Variants in CDH2 observed in about 807,000 individuals in gnomAD.
CDH2 encodes the protein cadherin 2.
In CDH2, 17 loss-of-function variants were observed where a neutral mutation model predicts 92.0. That is an observed-to-expected ratio of 0.18 (90% CI 0.13 to 0.28). CDH2 has a LOEUF of 0.28. CDH2 is among the 10% of genes least tolerant of loss of function. The probability of loss-of-function intolerance (pLI) is 1.00; values close to 1 mark genes in which losing one functional copy is unlikely to be tolerated. For synonymous variants in CDH2, 419 were observed against 415.9 expected (o/e 1.01, Z -0.09); for missense variants, 862 against 1,133.1 (o/e 0.76, Z 3.44).
At chr18:28,172,533 A>T (rs967885464) in intron 1 of CDH2, among the ~76,000 whole-genome samples, 7 of 152,194 alleles carry the variant, frequency 4.6e-5, no homozygotes, top group Non-Finnish European at 7.4e-5. Flanking sequence ...AAAAAACAGA[A>T]ATGTGAGACA....
At chr18:28,017,527 C>T (rs374816370) in intron 2 of CDH2, among the ~76,000 whole-genome samples, 14 of 152,110 alleles carry the variant, frequency 9.2e-5, no homozygotes, top group African/African-American at 2.4e-4. Context: ...ATCTCGTTAA[C>T]GGTCTACTAG....
chr18:27,967,992 C>T (rs1022638705), intron 14 of CDH2, among the ~76,000 whole-genome samples: 12 of 152,150 alleles, frequency 7.9e-5, no homozygotes, highest in Admixed American at 5.2e-4. Flanking sequence ...GTATAGTCAA[C>T]CCATTTCAGG....
At chr18:28,069,388 A>T (rs2144163697) in intron 2 of CDH2, among the ~76,000 whole-genome samples, 1 of 152,302 alleles carries the variant, frequency 6.6e-6, no homozygotes, top group South Asian at 2.1e-4. Context: ...TCAAAGGATG[A>T]CAAATTTCTA....
chr18:28,110,742 C>T (rs1265154591), intron 2 of CDH2, among the ~76,000 whole-genome samples: 1 of 152,058 alleles, frequency 6.6e-6, no homozygotes, highest in Non-Finnish European at 1.5e-5. Context: ...TTTACTGCAA[C>T]AAGAATTCAA....
intron 5 of CDH2, among the ~76,000 whole-genome samples, chr18:28,006,465 C>A (rs2012920860): frequency 6.6e-6 from 1 of 151,982 alleles, no homozygotes; most frequent in Admixed American, 6.6e-5. Flanking sequence ...CGCCTGTAAT[C>A]CCAGCACATT....
intron 5 of CDH2, among the ~76,000 whole-genome samples, chr18:28,007,073 T>C (rs1436662067): frequency 6.7e-6 from 1 of 149,134 alleles, no homozygotes; most frequent in Non-Finnish European, 1.5e-5. Context: ...GGCAGGAGAA[T>C]TGCTTGAACC....
rs572471207 is a variant in CDH2 at position 28,012,015 on chromosome 18, T to G, written c.400-23A>C. On this transcript the variant is annotated intron_variant, in intron 3 of 15. Transcript: ENST00000269141. Reference sequence around the variant, plus strand: ...CTCCTTTACATTAAAATAGAAGACATTCCTGAGTACTAGGAAACACATTTT... The same window carrying G: ...CTCCTTTACATTAAAATAGAAGACAGTCCTGAGTACTAGGAAACACATTTT... 124 of 1,603,880 alleles carry G rather than the reference T, an allele frequency of 7.7e-5. No homozygotes were observed. In the East Asian group the frequency reaches 2.6e-3, roughly 33 times the overall value.
intron 2 of CDH2, among the ~76,000 whole-genome samples, chr18:28,126,691 T>G (rs1168219987): frequency 1.3e-5 from 2 of 152,134 alleles, no homozygotes; most frequent in South Asian, 2.1e-4. Context: ...AGAGAGTGAG[T>G]GCCTGCTATC....
chr18:28,160,519 C>A (rs931368760), intron 1 of CDH2, among the ~76,000 whole-genome samples: 1 of 152,196 alleles, frequency 6.6e-6, no homozygotes, highest in East Asian at 1.9e-4. Flanking sequence ...TGGATTCTGA[C>A]AGCTCGACCA....
chr18:28,128,630 C>G (rs142596470), intron 2 of CDH2, among the ~76,000 whole-genome samples: 57 of 151,556 alleles, frequency 3.8e-4, no homozygotes, highest in African/African-American at 1.4e-3. Context: ...AGGCTGCAGA[C>G]AGCCGTGATC....
At chr18:27,938,957 G>A (rs1430894605) in intron 6 of CDH2, among the ~76,000 whole-genome samples, 1 of 152,160 alleles carries the variant, frequency 6.6e-6, no homozygotes, top group Non-Finnish European at 1.5e-5. Flanking sequence ...TAGAAAGAAT[G>A]CTATCACATT....
At chr18:28,172,869 C>T (rs940407104) in intron 1 of CDH2, among the ~76,000 whole-genome samples, 1 of 151,706 alleles carries the variant, frequency 6.6e-6, no homozygotes, top group African/African-American at 2.4e-5. Flanking sequence ...CATAATAACC[C>T]CTTGAAAAGA....
intron 2 of CDH2, among the ~76,000 whole-genome samples, chr18:28,091,333 CCT>C (rs754021978): frequency 1.3e-5 from 2 of 152,258 alleles, no homozygotes; most frequent in East Asian, 1.9e-4. Context: ...GAAAACACCC[CCT>C]GACACTTAAA....
intron 2 of CDH2, among the ~76,000 whole-genome samples, chr18:28,061,326 C>T (rs1057289181): frequency 2.0e-5 from 3 of 152,148 alleles, no homozygotes; most frequent in African/African-American, 7.2e-5. Flanking sequence ...GTGTACTTCC[C>T]TCTTCTGTGC....
Position 28,013,689 on chromosome 18 carries a change from T to C in CDH2, c.393A>G (p.Ser131=). Residue 131 remains serine (S), a synonymous_variant, in exon 3 of 16, where the codon TCA becomes TCG. Coordinates refer to ENST00000269141, the MANE Select transcript of CDH2 (RefSeq NM_001792.5). The stretch of plus-strand genomic sequence containing the variant: ...CCATATTCGGATACTATACCTTCAC[T>C]GACTCCTCAGTTAAGGTTGGCTTCA... ...LSLKPTLTEE[S]VKESAEVEEI... 1.2e-6 allele frequency: 2 copies of C among 1,611,870 alleles called. No individual in the cohort carries two copies. The highest frequency in any genetic ancestry group is 1.7e-6 in the Non-Finnish European group (2 of 1,177,922).
chr18:28,055,769 T>C (rs969803032), intron 2 of CDH2, among the ~76,000 whole-genome samples: 3 of 152,168 alleles, frequency 2.0e-5, no homozygotes, highest in Non-Finnish European at 2.9e-5. Flanking sequence ...CATCCTGTTT[T>C]TGTATGGTGC....
At chr18:27,957,149 T>TCCATCCATCCAC (rs1427567379) in intron 15 of CDH2, among the ~76,000 whole-genome samples, 1 of 151,468 alleles carries the variant, frequency 6.6e-6, no homozygotes, top group African/African-American at 2.4e-5. Flanking sequence ...CATCCATCCA[T>TCCATCCATCCAC]CCAAAAGCTC....
chr18:27,987,230 T>C (rs1460120648), intron 11 of CDH2, among the ~76,000 whole-genome samples: 1 of 152,178 alleles, frequency 6.6e-6, no homozygotes, highest in East Asian at 1.9e-4. Flanking sequence ...AGTACCACTG[T>C]AGAAGAAAGC....
At chr18:28,140,164 G>C (rs1411350147) in intron 2 of CDH2, among the ~76,000 whole-genome samples, 1 of 151,900 alleles carries the variant, frequency 6.6e-6, no homozygotes, top group Non-Finnish European at 1.5e-5. Context: ...TTTAAAAATA[G>C]ATCAATTACC....
Sources: gnomAD v4.1 joint callset for allele counts (sites outside exome capture counted in the v4.1 genomes callset) on GRCh38, gnomAD v4.1.1 for gene constraint, MANE v1.5 for transcripts, NCBI Gene and HGNC (gene_info 2026-07-23, HGNC 2026-07-21) for gene names.